LTN1: variants seen among roughly 807,000 people sequenced by gnomAD.
The protein encoded by LTN1 is E3 ubiquitin-protein ligase listerin.
A neutral mutation model predicts 201.2 loss-of-function variants in LTN1; 88 were observed. The observed-to-expected ratio is 0.44, with a 90% CI of 0.37 to 0.52. The LOEUF (loss-of-function observed/expected upper bound fraction) is 0.52. LTN1 is among the 20% of genes least tolerant of loss of function. The probability of loss-of-function intolerance (pLI) is 0.00; values close to 1 mark genes in which losing one functional copy is unlikely to be tolerated. For missense variants in LTN1, 1,752 were observed against 2,038.7 expected (o/e 0.86, Z 2.71); for synonymous variants, 645 against 713.5 (o/e 0.90, Z 1.53).
At chr21:28,932,327 T>C (rs1295093561) in intron 28 of LTN1, 143 bp downstream of exon 28, 17 of 719,436 alleles carry the variant, frequency 2.4e-5, no homozygotes, top group Non-Finnish European at 3.6e-5. Flanking sequence ...TTAATCCATT[T>C]AGGCATATCT....
intron 1 of LTN1, among the ~76,000 whole-genome samples, chr21:28,989,214 A>G (rs139449400): frequency 1.3e-3 from 195 of 152,244 alleles, no homozygotes; most frequent in Non-Finnish European, 2.4e-3. Context: ...GAAACAGAAT[A>G]AAAAACTAAT....
intron 6 of LTN1, among the ~76,000 whole-genome samples, chr21:28,979,959 C>T (rs1011605738): frequency 2.0e-5 from 3 of 152,128 alleles, no homozygotes; most frequent in Admixed American, 6.5e-5. Context: ...GTGACAAGAG[C>T]GAAACTCCAT....
Position 28,981,169 on chromosome 21 carries a change from G to T in LTN1, c.760C>A (p.Leu254Ile). 6.3e-7 allele frequency: 1 copy of T among 1,594,754 alleles called. No individual in the cohort carries two copies. Among genetic ancestry groups the T allele is most frequent in the South Asian group, 1.1e-5 (1 of 86,996 alleles). ...TTCCAAAACTTATTCTGTGATAAAA[G>T]AGACTTAAATTTCTCCTCCAGAGAA... ...LDSLEEKFKS[L>I]LSQNKFWKYG... is the part of the protein sequence containing the mutation. Residue 254 changes from leucine (L) to isoleucine (I), a missense_variant, in exon 6 of 30, where the codon CTT becomes ATT. Transcript: ENST00000361371.
chr21:28,979,473 A>G (rs1265756456), intron 6 of LTN1, among the ~76,000 whole-genome samples: 5 of 152,232 alleles, frequency 3.3e-5, no homozygotes, highest in Non-Finnish European at 7.3e-5. Flanking sequence ...GAAGTCATGA[A>G]TCAGATGTAC....
rs768850489 is a variant in LTN1 at position 28,959,410 on chromosome 21, G to A, written c.2593+48C>T. On this transcript the variant is annotated intron_variant, in intron 13 of 29. Transcript: ENST00000361371. ...CTGGGCACTTACACTCACTATGAAG[G>A]TCAGAGCCGGAGATTCCCAACAAAA... 6 of 1,583,574 alleles carry A rather than the reference G, an allele frequency of 3.8e-6. No individual in the cohort carries two copies. In the South Asian group the frequency reaches 5.9e-5, roughly 15 times the overall value.
chr21:28,990,920 T>TAA (rs2084739885), intron 1 of LTN1, among the ~76,000 whole-genome samples: 1 of 152,260 alleles, frequency 6.6e-6, no homozygotes, highest in South Asian at 2.1e-4. Flanking sequence ...TCTCAGATGT[T>TAA]AAAACGGTTT....
At position 28,947,536 on chromosome 21, in the gene LTN1, T is replaced by A; in HGVS notation, c.3415A>T (p.Lys1139Ter). 1 of 1,596,016 alleles carries A rather than the reference T, an allele frequency of 6.3e-7. No individual in the cohort carries two copies. Among genetic ancestry groups the A allele is most frequent in the Non-Finnish European group, 8.5e-7 (1 of 1,173,510 alleles). Reference sequence around the variant, plus strand: ...ATACATTGAGCACTAAATTCTTTCTTTTCTTCTTTTGACAAAAATGGACAT... The same window carrying A: ...ATACATTGAGCACTAAATTCTTTCTATTCTTCTTTTGACAAAAATGGACAT... ...SLCPFLSKEEKKEFSAQCIPA... is the reference protein window; with the variant it reads ...SLCPFLSKEE The change falls in exon 19 of 30, where the codon AAG (lysine) becomes TAG (stop). Residue 1139 changes from lysine (K) to a stop codon, truncating the protein, a stop_gained. Coordinates refer to ENST00000361371, the MANE Select transcript of LTN1 (RefSeq NM_015565.3). LOFTEE classifies it high-confidence loss of function.
chr21:28,964,705 C>T (rs1348882644), intron 11 of LTN1: 2 of 1,550,430 alleles, frequency 1.3e-6, no homozygotes, highest in Non-Finnish European at 1.7e-6. Context: ...CCAATCACTG[C>T]TCAGGAAGAG....
At chr21:28,989,992 A>G (rs1409796733) in intron 1 of LTN1, among the ~76,000 whole-genome samples, 1 of 151,958 alleles carries the variant, frequency 6.6e-6, no homozygotes, top group Non-Finnish European at 1.5e-5. Flanking sequence ...AAAAAAAAAA[A>G]GTTATCTATG....
At chr21:28,957,602 T>TA (rs915918861) in intron 14 of LTN1, 126 bp from the exon 15 acceptor site, 2 of 526,472 alleles carry the variant, frequency 3.8e-6, no homozygotes, top group Admixed American at 8.1e-5. Flanking sequence ...TAAAAAGAGG[T>TA]AAGTGACATT....
intron 27 of LTN1, 59 bp downstream of exon 27, chr21:28,935,050 A>G: frequency 9.3e-7 from 1 of 1,073,584 alleles, no homozygotes; most frequent in Non-Finnish European, 1.4e-6. Context: ...GATATTAACA[A>G]TGACAGACAT....
chr21:28,969,117 A>G (rs2084551402), intron 9 of LTN1, among the ~76,000 whole-genome samples: 1 of 151,774 alleles, frequency 6.6e-6, no homozygotes, highest in South Asian at 2.1e-4. Flanking sequence ...GCTACTTGGG[A>G]GGCTGAGGCA....
At chr21:28,954,355 G>A (rs1051669142) in intron 16 of LTN1, among the ~76,000 whole-genome samples, 3 of 152,168 alleles carry the variant, frequency 2.0e-5, no homozygotes, top group African/African-American at 4.8e-5. Context: ...GACTGATACA[G>A]GGTTTCTGCA....
chr21:28,970,040 A>G (rs903713258), intron 8 of LTN1, among the ~76,000 whole-genome samples: 4 of 152,164 alleles, frequency 2.6e-5, no homozygotes, highest in African/African-American at 9.7e-5. Flanking sequence ...TTATTAACCA[A>G]ATAAAGATAA....
In LTN1 at chr21:28,943,894, T is replaced by G; in HGVS notation, c.3993A>C (p.Lys1331Asn). The G allele has an allele frequency of 6.2e-7, 1 of 1,608,692 alleles. No individual in the cohort carries two copies. The highest frequency in any genetic ancestry group is 8.5e-7 in the Non-Finnish European group (1 of 1,175,210). Residue 1331 changes from lysine (K) to asparagine (N), a missense_variant, in exon 23 of 30, where the codon AAA (lysine) becomes AAC (asparagine). Lys to Asn is a moderately conservative substitution (Grantham distance 94). Transcript: ENST00000361371. ...TCTGAAAGGATGTTTCAGACACATC[T>G]TTGTTTTCTCCTAATGACAAAAAGG... ...PILVTVTGEN[K>N]DVSETSFQNA... is the part of the protein sequence containing the mutation.
intron 6 of LTN1, among the ~76,000 whole-genome samples, chr21:28,977,470 T>C (rs1250139265): frequency 6.6e-6 from 1 of 151,536 alleles, no homozygotes; most frequent in African/African-American, 2.4e-5. Context: ...CTCATGCCTG[T>C]AATCCCAAAT....
At chr21:28,990,336 T>G (rs1298751275) in intron 1 of LTN1, among the ~76,000 whole-genome samples, 3 of 152,360 alleles carry the variant, frequency 2.0e-5, no homozygotes, top group African/African-American at 4.8e-5. Flanking sequence ...CACAACTTCC[T>G]GGCTACATGA....
chr21:28,935,085 A>G (rs1356643691), intron 27 of LTN1, 24 bp downstream of exon 27: 1 of 1,489,420 alleles, frequency 6.7e-7, no homozygotes, highest in Non-Finnish European at 9.4e-7. Flanking sequence ...CAACTTTTCT[A>G]GAGAAAGTCA....
chr21:28,970,787 T>C (rs771798445), intron 7 of LTN1, 45 bp from the exon 8 acceptor site: 4 of 1,422,272 alleles, frequency 2.8e-6, no homozygotes, highest in Middle Eastern at 1.8e-4. Context: ...ATCATAAACA[T>C]ACTTTTCTCA....
Sources: gnomAD v4.1 joint callset for allele counts (sites outside exome capture counted in the v4.1 genomes callset) on GRCh38, gnomAD v4.1.1 for gene constraint, MANE v1.5 for transcripts, NCBI Gene and HGNC (gene_info 2026-07-23, HGNC 2026-07-21) for gene names.